Variants in LRRTM4 observed in about 807,000 individuals in gnomAD.
LRRTM4 encodes the protein leucine rich repeat transmembrane neuronal 4.
LRRTM4 carries 25 observed loss-of-function variants against 47.6 expected under a neutral mutation model. That is an observed-to-expected ratio of 0.53 (90% CI 0.38 to 0.73). LRRTM4 has a LOEUF of 0.73. LRRTM4 is among the 30% of genes least tolerant of loss of function. The probability of loss-of-function intolerance (pLI) is 0.00; values close to 1 mark genes in which losing one functional copy is unlikely to be tolerated. For missense variants in LRRTM4, 638 were observed against 713.4 expected, an observed-to-expected ratio of 0.89 and a Z score of 1.20; for synonymous variants, 311 against 269.5, an observed-to-expected ratio of 1.15 and a Z score of -1.51.
chr2:76,771,454 T>C (rs1673701386), intron 3 of LRRTM4, among the ~76,000 whole-genome samples: 1 of 151,918 alleles, frequency 6.6e-6, no homozygotes, highest in African/African-American at 2.4e-5. Flanking sequence ...GGAATGGAGG[T>C]GAGGTGGGAC....
At chr2:77,205,283 C>G (rs1674090562) in intron 3 of LRRTM4, among the ~76,000 whole-genome samples, 1 of 152,080 alleles carries the variant, frequency 6.6e-6, no homozygotes, top group Non-Finnish European at 1.5e-5. Flanking sequence ...GAAAACAAAT[C>G]AGAAACCAAG....
intron 3 of LRRTM4, among the ~76,000 whole-genome samples, chr2:77,075,700 G>C (rs1026317058): frequency 2.0e-5 from 3 of 151,550 alleles, no homozygotes; most frequent in South Asian, 4.2e-4. Context: ...CAGATCACGA[G>C]GTCAGGAGAT....
intron 3 of LRRTM4, among the ~76,000 whole-genome samples, chr2:77,011,902 C>T (rs1005702665): frequency 4.0e-5 from 6 of 151,842 alleles, no homozygotes; most frequent in Non-Finnish European, 5.9e-5. Context: ...GTGGTTGAGA[C>T]CTCAGAACTG....
At chr2:77,465,967 T>C (rs964341583) in intron 3 of LRRTM4, among the ~76,000 whole-genome samples, 1 of 152,164 alleles carries the variant, frequency 6.6e-6, no homozygotes, top group African/African-American at 2.4e-5. Flanking sequence ...TGTTTTTCCT[T>C]TGCACTTCTG....
In LRRTM4 at chr2:76,920,061, T is replaced by G. The variant is rs1674385149; in HGVS notation, c.1552-171145A>C. On this transcript the variant is annotated intron_variant, in intron 3 of 3. Coordinates refer to ENST00000409884, the MANE Select transcript of LRRTM4 (RefSeq NM_001134745.3). ...ATGTATTGAATGTTCTATTTGAATT[T>G]CAGATAGTTTTCCAATGAGATTTTG... Among the ~76,000 whole-genome samples the G allele has an allele frequency of 1.3e-5, 2 of 152,154 alleles. 1 individual carries two copies. The highest frequency in any genetic ancestry group is 2.9e-5 in the Non-Finnish European group (2 of 68,022).
chr2:77,045,456 C>T (rs1220314949), intron 3 of LRRTM4, among the ~76,000 whole-genome samples: 1 of 151,884 alleles, frequency 6.6e-6, no homozygotes, highest in Non-Finnish European at 1.5e-5. Flanking sequence ...TATTTTATGC[C>T]TAAAACAAAA....
chr2:77,052,326 G>A (rs919008516), intron 3 of LRRTM4, among the ~76,000 whole-genome samples: 5 of 151,470 alleles, frequency 3.3e-5, no homozygotes, highest in Non-Finnish European at 5.9e-5. Flanking sequence ...CTGCCACCAC[G>A]CCTGGCTAGT....
intron 3 of LRRTM4, among the ~76,000 whole-genome samples, chr2:77,051,384 C>T (rs935161256): frequency 8.5e-5 from 13 of 152,066 alleles, no homozygotes; most frequent in South Asian, 4.1e-4. Flanking sequence ...AGTGAAAGAA[C>T]TGTTTACCAT....
intron 3 of LRRTM4, among the ~76,000 whole-genome samples, chr2:76,930,249 C>T (rs1035702865): frequency 3.3e-5 from 5 of 152,016 alleles, no homozygotes; most frequent in African/African-American, 2.4e-5. Flanking sequence ...CTCTTGGGGG[C>T]CCTTTGGCCT....
chr2:77,218,197 T>C (rs1377437436), intron 3 of LRRTM4, among the ~76,000 whole-genome samples: 1 of 152,156 alleles, frequency 6.6e-6, no homozygotes, highest in Non-Finnish European at 1.5e-5. Context: ...TTTCTTCATG[T>C]TGGTCAGGCT....
Position 77,521,756 on chromosome 2 carries a change from A to G in LRRTM4, c.-85T>C, listed in dbSNP as rs1311176619. The G allele has an allele frequency of 6.7e-7, 1 of 1,487,946 alleles. No individual in the cohort carries two copies. 92.2% of individuals were successfully genotyped at this position (1,487,946 alleles called of 1,614,324 possible). On this transcript the variant is annotated 5_prime_UTR_variant, in exon 2 of 4. Coordinates refer to ENST00000409884, the MANE Select transcript of LRRTM4 (RefSeq NM_001134745.3). ...TGCGGAAACCACCACCACCTTCATG[A>G]CACAGTGCGGCTGTCATTCACACCA... is the stretch of plus-strand genomic sequence containing the variant.
chr2:77,320,157 T>C (rs776003211), intron 3 of LRRTM4, among the ~76,000 whole-genome samples: 7 of 152,092 alleles, frequency 4.6e-5, no homozygotes, highest in African/African-American at 7.2e-5. Context: ...TCCTTACTAA[T>C]GTCAGCTCTG....
intron 3 of LRRTM4, among the ~76,000 whole-genome samples, chr2:77,153,285 G>C (rs1672477409): frequency 6.6e-6 from 1 of 152,124 alleles, no homozygotes; most frequent in African/African-American, 2.4e-5. Flanking sequence ...TAGATGTGAG[G>C]AGAATGCTTT....
chr2:77,305,159 A>T (rs1019338289), intron 3 of LRRTM4, among the ~76,000 whole-genome samples: 2 of 152,000 alleles, frequency 1.3e-5, no homozygotes, highest in East Asian at 1.9e-4. Flanking sequence ...TGATTTAATT[A>T]TTTTTTTCTA....
intron 3 of LRRTM4, among the ~76,000 whole-genome samples, chr2:76,958,613 A>C (rs1281004821): frequency 2.6e-5 from 4 of 151,696 alleles, no homozygotes; most frequent in East Asian, 3.9e-4. Flanking sequence ...TCATGTGCAG[A>C]TTCGAGGGTC....
rs141120488 is a variant in LRRTM4, at chr2:76,811,296, C to G, written c.1552-62380G>C. Among the ~76,000 whole-genome samples the G allele has an allele frequency of 5.2e-3, 798 of 152,194 alleles. 2 individuals are homozygous for G. The highest frequency in any genetic ancestry group is 0.014 in the Middle Eastern group (4 of 294). On this transcript the variant is annotated intron_variant, in intron 3 of 3. Coordinates refer to ENST00000409884, the MANE Select transcript of LRRTM4 (RefSeq NM_001134745.3). Reference sequence around the variant, plus strand: ...GCAGAGAAAAAATAAACATTAGCACCCTGTAGGTCTTTTGCCTTTGTATTT... The same window carrying G: ...GCAGAGAAAAAATAAACATTAGCACGCTGTAGGTCTTTTGCCTTTGTATTT...
At chr2:76,819,622 CTT>C (rs1670998347) in intron 3 of LRRTM4, among the ~76,000 whole-genome samples, 1 of 151,826 alleles carries the variant, frequency 6.6e-6, no homozygotes, top group Non-Finnish European at 1.5e-5. Flanking sequence ...AAATCAAAGA[CTT>C]TGCCACACAC....
At chr2:76,837,365 T>TG (rs1412116325) in intron 3 of LRRTM4, among the ~76,000 whole-genome samples, 7 of 151,738 alleles carry the variant, frequency 4.6e-5, no homozygotes, top group African/African-American at 1.2e-4. Context: ...AGGGTTTTTT[T>TG]TGTCTCTATT....
intron 3 of LRRTM4, among the ~76,000 whole-genome samples, chr2:76,920,741 G>A (rs1297451913): frequency 6.6e-6 from 1 of 152,062 alleles, no homozygotes; most frequent in Non-Finnish European, 1.5e-5. Context: ...ACAACTTATA[G>A]TGCATGGTAG....
Sources: allele counts gnomAD v4.1 joint callset (sites outside exome capture counted in the v4.1 genomes callset), GRCh38; gene constraint gnomAD v4.1.1; transcripts MANE v1.5; gene names NCBI Gene and HGNC (gene_info 2026-07-23, HGNC 2026-07-21).